The following BTF3L4 variants were observed in gnomAD, a reference collection of about 807,000 sequenced individuals.
BTF3L4 encodes the protein transcription factor BTF3 homolog 4.
Under a neutral mutation model 16.8 loss-of-function variants are expected in BTF3L4, and 6 were observed. The ratio of observed to expected loss-of-function variants is 0.36; its 90% CI spans 0.20 to 0.71. The LOEUF (loss-of-function observed/expected upper bound fraction) is 0.71, where lower values mean the gene tolerates loss of function less well. BTF3L4 is among the 30% of genes least tolerant of loss of function. BTF3L4 has a pLI of 0.58. For missense variants in BTF3L4, 92 were observed against 186.9 expected (o/e 0.49, Z 2.96); for synonymous variants, 39 against 59.8 (o/e 0.65, Z 1.60).
At chr1:52,086,069 G>T in intron 4 of BTF3L4, 43 bp from the exon 5 acceptor site, 1 of 1,364,384 alleles carries the variant, frequency 7.3e-7, no homozygotes, top group South Asian at 1.3e-5. Context: ...TTTCTTTAAG[G>T]TCTTTGTTCT....
intron 3 of BTF3L4, among the ~76,000 whole-genome samples, chr1:52,066,390 C>G (rs971130740): frequency 6.7e-6 from 1 of 149,390 alleles, no homozygotes; most frequent in African/African-American, 2.5e-5. Flanking sequence ...TTAGTAGAGA[C>G]AGTGTTTTGC....
intron 2 of BTF3L4, 116 bp downstream of exon 2, chr1:52,060,017 A>T: frequency 1.0e-6 from 1 of 955,008 alleles, no homozygotes; most frequent in Non-Finnish European, 1.5e-6. Context: ...AGATCAAACC[A>T]CATTCCAATT....
chr1:52,079,693 G>GA lies in BTF3L4; in HGVS notation c.169-3646dup, dbSNP rs955544048. Among the ~76,000 whole-genome samples, 123 of 151,980 alleles carry GA rather than the reference G, an allele frequency of 8.1e-4. 1 individual carries two copies. The East Asian group carries it at 0.023, about 28-fold the overall frequency. On this transcript the variant is annotated intron_variant, in intron 3 of 5. Coordinates refer to ENST00000313334, the MANE Select transcript of BTF3L4 (RefSeq NM_152265.5). ...ACTTGAACATAAGAAAAAACTCCAT[G>GA]AGTTTGTTTATTGTTTTTGGCTCCA...
At chr1:52,057,011 T>C (rs1686383074) in intron 1 of BTF3L4, among the ~76,000 whole-genome samples, 1 of 152,238 alleles carries the variant, frequency 6.6e-6, no homozygotes, top group African/African-American at 2.4e-5. Flanking sequence ...TAACAATAGT[T>C]ACCAGTAACT....
Position 52,076,040 on chromosome 1 carries a change from A to G in BTF3L4, c.169-7300A>G, listed in dbSNP as rs142004294. On this transcript the variant is annotated intron_variant, in intron 3 of 5. Coordinates refer to ENST00000313334, the MANE Select transcript of BTF3L4 (RefSeq NM_152265.5). ...TTTAGAACTCTTCATGCATTTTGTC[A>G]AATTGCTTTTCAGAAAGAATATGCC... Among the ~76,000 whole-genome samples, 540 of 152,304 alleles carry G rather than the reference A, an allele frequency of 3.5e-3. 3 individuals carry two copies. The highest frequency in any genetic ancestry group is 0.012 in the African/African-American group (513 of 41,568).
intron 1 of BTF3L4, among the ~76,000 whole-genome samples, chr1:52,059,217 C>G (rs1468127818): frequency 6.6e-6 from 1 of 152,172 alleles, no homozygotes; most frequent in Non-Finnish European, 1.5e-5. Context: ...CTGGAGAGTG[C>G]TGCAGAAGCA....
chr1:52,061,487 C>CA (rs1169709967), intron 2 of BTF3L4, among the ~76,000 whole-genome samples: 4,477 of 47,660 alleles, frequency 0.094, 321 homozygotes, highest in African/African-American at 0.23. Context: ...GACTCCGTCT[C>CA]AAAAAAAAAA....
chr1:52,078,846 G>C (rs1287714407), intron 3 of BTF3L4, among the ~76,000 whole-genome samples: 5 of 151,760 alleles, frequency 3.3e-5, no homozygotes, highest in Non-Finnish European at 7.4e-5. Context: ...GCTATCTTTA[G>C]GGAAAAAAAA....
intron 2 of BTF3L4, among the ~76,000 whole-genome samples, chr1:52,062,156 G>C (rs2992180): frequency 7.0e-6 from 1 of 143,172 alleles, no homozygotes; most frequent in African/African-American, 2.6e-5. Flanking sequence ...AGCCAGGATG[G>C]TCTTGCTTGA....
chr1:52,070,599 G>A (rs1174462333), intron 3 of BTF3L4, among the ~76,000 whole-genome samples: 6 of 144,524 alleles, frequency 4.2e-5, no homozygotes, highest in African/African-American at 1.0e-4. Flanking sequence ...GGGTTTCAGA[G>A]ACAGTTTCAT....
chr1:52,082,908 A>G (rs1188569798), intron 3 of BTF3L4, among the ~76,000 whole-genome samples: 2 of 152,024 alleles, frequency 1.3e-5, no homozygotes, highest in Non-Finnish European at 1.5e-5. Context: ...ACCATATACT[A>G]TTTCCCCTTT....
At chr1:52,080,624 C>G (rs542614271) in intron 3 of BTF3L4, among the ~76,000 whole-genome samples, 1 of 141,214 alleles carries the variant, frequency 7.1e-6, no homozygotes, top group African/African-American at 2.6e-5. Flanking sequence ...ACCTATGTCT[C>G]CCAGGTTCAA....
rs372935532 is a variant in BTF3L4, at chr1:52,075,169, G to A, written c.169-8171G>A. On this transcript the variant is annotated intron_variant, in intron 3 of 5. Coordinates refer to ENST00000313334, the MANE Select transcript of BTF3L4 (RefSeq NM_152265.5). ...ATACATTCCAGTATATGGATATACT[G>A]TACTGTAATTTAACACTTTTTAATT... is the stretch of plus-strand genomic sequence containing the variant. 1.9e-4 allele frequency among the ~76,000 whole-genome samples: 29 copies of A among 152,068 alleles called. 1 individual carries two copies. The South Asian group carries it at 5.2e-3, about 27-fold the overall frequency.
At chr1:52,066,626 G>A (rs1028244345) in intron 3 of BTF3L4, among the ~76,000 whole-genome samples, 3 of 148,378 alleles carry the variant, frequency 2.0e-5, no homozygotes, top group African/African-American at 7.4e-5. Flanking sequence ...GGTGGATCAC[G>A]AGGTCAGGGG....
chr1:52,062,017 A>C (rs1215879857), intron 2 of BTF3L4, among the ~76,000 whole-genome samples: 1 of 151,338 alleles, frequency 6.6e-6, no homozygotes, highest in South Asian at 2.1e-4. Flanking sequence ...GCTCACTGCA[A>C]TCTCCGCCTC....
chr1:52,082,915 CT>C (rs1643937252), intron 3 of BTF3L4, among the ~76,000 whole-genome samples: 1 of 152,160 alleles, frequency 6.6e-6, no homozygotes, highest in East Asian at 1.9e-4. Flanking sequence ...ACTATTTCCC[CT>C]TTGTAACCAG....
At chr1:52,081,084 C>T (rs1208699197) in intron 3 of BTF3L4, among the ~76,000 whole-genome samples, 1 of 151,668 alleles carries the variant, frequency 6.6e-6, no homozygotes, top group African/African-American at 2.4e-5. Flanking sequence ...GTGATCCACC[C>T]GCCTCAGCCT....
intron 2 of BTF3L4, chr1:52,060,536 T>C (rs1686483226): frequency 1.5e-5 from 19 of 1,232,102 alleles, no homozygotes; most frequent in Non-Finnish European, 1.8e-5. Flanking sequence ...TGTGAGCAAC[T>C]GAAGTCTTTG....
intron 3 of BTF3L4, among the ~76,000 whole-genome samples, chr1:52,068,820 C>T (rs1396284747): frequency 6.6e-6 from 1 of 152,110 alleles, no homozygotes; most frequent in Non-Finnish European, 1.5e-5. Context: ...ATTGCTGTTT[C>T]TCCTTTTTCA....
Sources: gnomAD v4.1 joint callset for allele counts (sites outside exome capture counted in the v4.1 genomes callset) on GRCh38, gnomAD v4.1.1 for gene constraint, MANE v1.5 for transcripts, NCBI Gene and HGNC (gene_info 2026-07-23, HGNC 2026-07-21) for gene names.